HTR4: variants seen among roughly 807,000 people sequenced by gnomAD.
HTR4 encodes 5-hydroxytryptamine receptor 4, also known as 5-hydroxytryptamine (serotonin) receptor 4, G protein-coupled.
In HTR4, 16 loss-of-function variants were observed where a neutral mutation model predicts 36.8. The ratio of observed to expected loss-of-function variants is 0.43; its 90% CI spans 0.29 to 0.66. HTR4 has a LOEUF of 0.66. Ranked by LOEUF, HTR4 falls within the 30% of genes least tolerant of loss-of-function variation. The pLI is 0.13. For missense variants in HTR4, 438 were observed against 490.9 expected (o/e 0.89, Z 1.02); for synonymous variants, 189 against 185.1 (o/e 1.02, Z -0.17).
intron 2 of HTR4, among the ~76,000 whole-genome samples, chr5:148,623,251 C>T (rs1157594213): frequency 6.6e-6 from 1 of 152,118 alleles, no homozygotes; most frequent in East Asian, 1.9e-4. Flanking sequence ...TGGAAGCAAG[C>T]TCCTTGCCCC....
chr5:148,522,914 G>A (rs893957673), intron 5 of HTR4, among the ~76,000 whole-genome samples: 1 of 152,104 alleles, frequency 6.6e-6, no homozygotes, highest in African/African-American at 2.4e-5. Flanking sequence ...TACCAACTTA[G>A]CAAGATTCTT....
intron 2 of HTR4, among the ~76,000 whole-genome samples, chr5:148,627,406 C>A (rs1753157063): frequency 6.6e-6 from 1 of 152,138 alleles, no homozygotes; most frequent in South Asian, 2.1e-4. Flanking sequence ...TTCTGGCATT[C>A]ATCTTTTGAG....
intron 2 of HTR4, among the ~76,000 whole-genome samples, chr5:148,604,769 T>G (rs1752076421): frequency 6.6e-6 from 1 of 152,216 alleles, no homozygotes; most frequent in African/African-American, 2.4e-5. Context: ...GAATGTATGA[T>G]TCAATGTATA....
chr5:148,648,654 T>C (rs969083711), intron 1 of HTR4, among the ~76,000 whole-genome samples: 4 of 152,230 alleles, frequency 2.6e-5, no homozygotes, highest in African/African-American at 9.6e-5. Context: ...AGGGGACATT[T>C]ATTCAGGCAT....
At chr5:148,500,707 G>T (rs950673048) in intron 6 of HTR4, among the ~76,000 whole-genome samples, 1 of 151,814 alleles carries the variant, frequency 6.6e-6, no homozygotes, top group Non-Finnish European at 1.5e-5. Flanking sequence ...AACACATAAA[G>T]ATGCACTTTA....
intron 5 of HTR4, chr5:148,465,786 A>G (rs1755411017): frequency 6.4e-7 from 1 of 1,567,446 alleles, no homozygotes; most frequent in Non-Finnish European, 8.6e-7. Flanking sequence ...ACTTAAGGAT[A>G]TTTTGTATAA....
chr5:148,465,711 G>A (rs1561562055), intron 5 of HTR4: 1 of 1,088,674 alleles, frequency 9.2e-7, no homozygotes, highest in Non-Finnish European at 1.3e-6. Flanking sequence ...TATGGGCTCT[G>A]CAGTTCTGTG....
At chr5:148,519,087 A>T (rs189174654) in intron 5 of HTR4, among the ~76,000 whole-genome samples, 101 of 152,346 alleles carry the variant, frequency 6.6e-4, no homozygotes, top group African/African-American at 2.4e-3. Context: ...GAATAAATAA[A>T]TAAATAGTGC....
chr5:148,648,447 G>A (rs1753937473), intron 1 of HTR4, among the ~76,000 whole-genome samples: 2 of 152,316 alleles, frequency 1.3e-5, no homozygotes, highest in South Asian at 4.1e-4. Flanking sequence ...CAAGAGAGGT[G>A]CACGAATGGA....
At chr5:148,551,821 C>G (rs540784709) in intron 2 of HTR4, among the ~76,000 whole-genome samples, 143 of 152,240 alleles carry the variant, frequency 9.4e-4, no homozygotes, top group Non-Finnish European at 1.6e-3. Flanking sequence ...GCATTAAAAG[C>G]TGTCCTGGGC....
downstream of HTR4, among the ~76,000 whole-genome samples, chr5:148,476,405 C>T (rs767890712): frequency 3.3e-5 from 5 of 152,160 alleles, no homozygotes; most frequent in African/African-American, 4.8e-5. Flanking sequence ...GGTGATATAA[C>T]GGTATTTTAA....
At chr5:148,532,587 G>T (rs1481824424) in intron 4 of HTR4, among the ~76,000 whole-genome samples, 1 of 152,184 alleles carries the variant, frequency 6.6e-6, no homozygotes, top group Non-Finnish European at 1.5e-5. Context: ...GGATCAGGAT[G>T]GTGGAGGAGA....
chr5:148,475,101 A>G (rs1755664416), downstream of HTR4, among the ~76,000 whole-genome samples: 2 of 152,128 alleles, frequency 1.3e-5, no homozygotes, highest in South Asian at 4.2e-4. Flanking sequence ...AATGGGCATT[A>G]TATACAATAA....
intron 3 of HTR4, 85 bp from the exon 4 acceptor site, chr5:148,548,953 G>A: frequency 6.7e-6 from 6 of 898,248 alleles, no homozygotes; most frequent in Non-Finnish European, 7.1e-6. Context: ...AGAAAAAACA[G>A]GGAAAAGGGA....
chr5:148,470,972 A>G (rs1755553386), intron 5 of HTR4, among the ~76,000 whole-genome samples: 1 of 152,238 alleles, frequency 6.6e-6, no homozygotes, highest in South Asian at 2.1e-4. Context: ...TACAGGCATG[A>G]GCCACTGTGG....
intron 5 of HTR4, among the ~76,000 whole-genome samples, chr5:148,458,315 T>C (rs1755174619): frequency 1.3e-5 from 2 of 151,788 alleles, no homozygotes; most frequent in African/African-American, 4.8e-5. Context: ...TGAACACAAA[T>C]CCTAGACATT....
At chr5:148,459,928 C>G (rs1046051080) in intron 5 of HTR4, among the ~76,000 whole-genome samples, 10 of 152,054 alleles carry the variant, frequency 6.6e-5, no homozygotes, top group African/African-American at 2.4e-4. Flanking sequence ...AGATGAGTAA[C>G]GTAAGCAATG....
At chr5:148,594,503 T>G (rs1561639846) in intron 2 of HTR4, among the ~76,000 whole-genome samples, 1 of 152,160 alleles carries the variant, frequency 6.6e-6, no homozygotes, top group African/African-American at 2.4e-5. Flanking sequence ...AATATGTTAC[T>G]AGCCAGAACA....
chr5:148,524,745 C>T (rs1161489168), intron 4 of HTR4, among the ~76,000 whole-genome samples: 1 of 152,212 alleles, frequency 6.6e-6, no homozygotes, highest in African/African-American at 2.4e-5. Context: ...TGATGAACCA[C>T]CCTCATACAC....
Sources: allele counts gnomAD v4.1 joint callset (sites outside exome capture counted in the v4.1 genomes callset), GRCh38; gene constraint gnomAD v4.1.1; transcripts MANE v1.5; gene names NCBI Gene and HGNC (gene_info 2026-07-23, HGNC 2026-07-21).